Variants in RPH3A observed in about 807,000 individuals in gnomAD.
RPH3A encodes the protein rabphilin 3A, also known as rabphilin-3A.
A neutral mutation model predicts 102.2 loss-of-function variants in RPH3A; 48 were observed. That is an observed-to-expected ratio of 0.47 (90% confidence interval 0.37 to 0.60). The LOEUF (loss-of-function observed/expected upper bound fraction) is 0.60, where lower values mean the gene tolerates loss of function less well. RPH3A is among the 20% of genes least tolerant of loss of function. The pLI, the probability that RPH3A is intolerant of heterozygous loss-of-function variation, is 0.00. For synonymous variants in RPH3A, 310 were observed against 324.3 expected, an observed-to-expected ratio of 0.96 and a Z score of 0.47; for missense variants, 781 against 910.1, an observed-to-expected ratio of 0.86 and a Z score of 1.83.
intron 1 of RPH3A, among the ~76,000 whole-genome samples, chr12:112,777,371 C>G (rs2040975542): frequency 6.6e-6 from 1 of 152,226 alleles, no homozygotes; most frequent in South Asian, 2.1e-4. Context: ...GCTTCTGCTT[C>G]TGCATGCCTT....
intron 1 of RPH3A, among the ~76,000 whole-genome samples, chr12:112,754,950 G>C (rs1479445137): frequency 2.0e-5 from 3 of 152,170 alleles, no homozygotes; most frequent in Non-Finnish European, 2.9e-5. Context: ...AAGCTTCCCA[G>C]GTGGTTCTGG....
At chr12:112,714,877 G>A (rs141493203) in intron 1 of RPH3A, among the ~76,000 whole-genome samples, 9 of 152,152 alleles carry the variant, frequency 5.9e-5, no homozygotes, top group African/African-American at 7.2e-5. Flanking sequence ...AAGTATAGCC[G>A]GTCTATTTTT....
intron 3 of RPH3A, among the ~76,000 whole-genome samples, chr12:112,833,104 G>A (rs2041996141): frequency 6.6e-6 from 1 of 152,094 alleles, no homozygotes; most frequent in Non-Finnish European, 1.5e-5. Flanking sequence ...TTGAACTCCT[G>A]ACCTCAGGTG....
chr12:112,596,120 A>G (rs2039514491), intron 1 of RPH3A, among the ~76,000 whole-genome samples: 1 of 152,182 alleles, frequency 6.6e-6, no homozygotes, highest in African/African-American at 2.4e-5. Flanking sequence ...AATTTGTTAA[A>G]TATGTTCATG....
At chr12:112,697,625 G>A (rs995245864) in intron 1 of RPH3A, among the ~76,000 whole-genome samples, 1 of 152,186 alleles carries the variant, frequency 6.6e-6, no homozygotes, top group African/African-American at 2.4e-5. Flanking sequence ...ATCACTTTGG[G>A]AGGCTGAGGC....
At chr12:112,877,821 G>A (rs2042834831) in intron 13 of RPH3A, among the ~76,000 whole-genome samples, 1 of 152,226 alleles carries the variant, frequency 6.6e-6, no homozygotes, top group Non-Finnish European at 1.5e-5. Context: ...TTATGCGTAT[G>A]GACATCAGAG....
At chr12:112,722,183 G>A in intron 1 of RPH3A, among the ~76,000 whole-genome samples, 1 of 152,126 alleles carries the variant, frequency 6.6e-6, no homozygotes, top group East Asian at 1.9e-4. Context: ...GGATTTTTAT[G>A]GCTAGCTCTC....
chr12:112,876,158 G>A (rs770860972), intron 12 of RPH3A, among the ~76,000 whole-genome samples: 33 of 152,142 alleles, frequency 2.2e-4, no homozygotes, highest in Non-Finnish European at 4.3e-4. Flanking sequence ...CACACTGAGC[G>A]ACAGTGGTTG....
At chr12:112,708,094 T>A (rs932806247) in intron 1 of RPH3A, among the ~76,000 whole-genome samples, 5 of 152,238 alleles carry the variant, frequency 3.3e-5, no homozygotes, top group African/African-American at 7.2e-5. Flanking sequence ...TGGCTTCAAC[T>A]GTTCTGAAAA....
intron 13 of RPH3A, among the ~76,000 whole-genome samples, chr12:112,878,103 C>T (rs1302280953): frequency 2.0e-5 from 3 of 152,168 alleles, no homozygotes; most frequent in Non-Finnish European, 4.4e-5. Context: ...CCCCTTCGTG[C>T]CCTGTGCACT....
At chr12:112,642,268 G>A (rs2039895846) in intron 1 of RPH3A, among the ~76,000 whole-genome samples, 1 of 152,146 alleles carries the variant, frequency 6.6e-6, no homozygotes, top group Non-Finnish European at 1.5e-5. Flanking sequence ...ACTCTCTGAG[G>A]TAGGAAGTTT....
At chr12:112,885,347 G>C (rs897732861) in intron 16 of RPH3A, among the ~76,000 whole-genome samples, 2 of 152,222 alleles carry the variant, frequency 1.3e-5, no homozygotes, top group African/African-American at 4.8e-5. Flanking sequence ...AGTTCCAGTT[G>C]CTTCACAGCC....
chr12:112,805,072 C>T (rs1156330120), intron 2 of RPH3A, among the ~76,000 whole-genome samples: 1 of 152,122 alleles, frequency 6.6e-6, no homozygotes, highest in African/African-American at 2.4e-5. Context: ...GACCATATCT[C>T]TTTTCTGCTT....
At chr12:112,728,522 A>G (rs1198463607) in intron 1 of RPH3A, among the ~76,000 whole-genome samples, 2 of 152,128 alleles carry the variant, frequency 1.3e-5, no homozygotes, top group Non-Finnish European at 2.9e-5. Context: ...GGAAACCAAA[A>G]TGTTCTCAGA....
intron 8 of RPH3A, 58 bp downstream of exon 8, chr12:112,868,653 A>G (rs1305997630): frequency 6.4e-7 from 1 of 1,552,932 alleles, no homozygotes; most frequent in Admixed American, 1.9e-5. Flanking sequence ...CAACTGGTCT[A>G]CCTGAGGGAT....
chr12:112,669,348 A>G (rs1414177294), intron 1 of RPH3A, among the ~76,000 whole-genome samples: 1 of 152,256 alleles, frequency 6.6e-6, no homozygotes, highest in Non-Finnish European at 1.5e-5. Flanking sequence ...ATAAATATAT[A>G]CAATGATCAT....
rs189454867 is a variant in RPH3A at position 112,712,593 on chromosome 12, G to T, written c.-139-79550G>T. On this transcript the variant is annotated intron_variant, in intron 1 of 21. Transcript: ENST00000543106. ...ATCACAGCCCTGTCCCCAATCACAT[G>T]TCCCTCATGCCCCGACCAGAGGTAG... Among the ~76,000 whole-genome samples, 67 of 152,208 alleles carry T rather than the reference G, an allele frequency of 4.4e-4. 1 individual carries two copies. Among genetic ancestry groups the T allele is most frequent in the Admixed American group, 4.1e-3 (62 of 15,298 alleles).
intron 16 of RPH3A, among the ~76,000 whole-genome samples, chr12:112,883,796 G>A (rs978773368): frequency 4.6e-5 from 7 of 152,146 alleles, no homozygotes; most frequent in African/African-American, 1.4e-4. Flanking sequence ...TTCTTCTACA[G>A]TGTTGAATTA....
At chr12:112,846,475 C>T (rs2042230219) in intron 4 of RPH3A, among the ~76,000 whole-genome samples, 1 of 152,242 alleles carries the variant, frequency 6.6e-6, no homozygotes, top group Non-Finnish European at 1.5e-5. Context: ...ACTCTTCCTT[C>T]TCTGCTCTTC....
Sources: allele counts gnomAD v4.1 joint callset (sites outside exome capture counted in the v4.1 genomes callset), GRCh38; gene constraint gnomAD v4.1.1; transcripts MANE v1.5; gene names NCBI Gene and HGNC (gene_info 2026-07-23, HGNC 2026-07-21).